Variants in DENND6A observed in about 807,000 individuals in gnomAD.
DENND6A encodes the protein protein DENND6A.
A neutral mutation model predicts 95.5 loss-of-function variants in DENND6A; 43 were observed. That is an observed-to-expected ratio of 0.45 (90% CI 0.35 to 0.58). The LOEUF (loss-of-function observed/expected upper bound fraction) is 0.58, where lower values mean the gene tolerates loss of function less well. Ranked by LOEUF, DENND6A falls within the 20% of genes least tolerant of loss-of-function variation. The probability of loss-of-function intolerance (pLI) is 0.00; values close to 1 mark genes in which losing one functional copy is unlikely to be tolerated. For synonymous variants in DENND6A, 257 were observed against 260.4 expected (o/e 0.99, Z 0.13); for missense variants, 574 against 736.0 (o/e 0.78, Z 2.55).
At chr3:57,641,625 G>A (rs2153413290) in intron 12 of DENND6A, 28 bp downstream of exon 12, 1 of 1,585,438 alleles carries the variant, frequency 6.3e-7, no homozygotes. Flanking sequence ...CTGCACACTA[G>A]AAACAGAACA....
At chr3:57,679,163 C>A (rs2077136433) in intron 1 of DENND6A, among the ~76,000 whole-genome samples, 1 of 152,164 alleles carries the variant, frequency 6.6e-6, no homozygotes, top group African/African-American at 2.4e-5. Context: ...GTTATAGTAG[C>A]CATAGCAGAC....
At chr3:57,676,854 C>T (rs911604510) in intron 1 of DENND6A, among the ~76,000 whole-genome samples, 2 of 151,890 alleles carry the variant, frequency 1.3e-5, no homozygotes, top group African/African-American at 4.8e-5. Context: ...GACAGAGTCT[C>T]GCTCTGTCAC....
Position 57,646,287 on chromosome 3 carries a change from A to C in DENND6A, c.941+29T>G, listed in dbSNP as rs757691569. 68 of 1,585,260 alleles carry C rather than the reference A, an allele frequency of 4.3e-5. No homozygotes were observed. In the East Asian group the frequency reaches 1.2e-3, roughly 28 times the overall value. ...AAGTACTGCAGCATCCAAAAAAAAAACCCAGAAATAGTAACCAAATAGACT... is the reference window on the plus strand; with the variant it reads ...AAGTACTGCAGCATCCAAAAAAAAACCCCAGAAATAGTAACCAAATAGACT... On this transcript the variant is annotated intron_variant, in intron 10 of 19. Transcript: ENST00000311128.
chr3:57,676,937 C>T (rs1223163205), intron 1 of DENND6A, among the ~76,000 whole-genome samples: 1 of 152,144 alleles, frequency 6.6e-6, no homozygotes, highest in Non-Finnish European at 1.5e-5. Context: ...GATTCTTGTG[C>T]CTCAGCCACC....
At chr3:57,633,839 C>T (rs773507517) in intron 14 of DENND6A, among the ~76,000 whole-genome samples, 8 of 151,000 alleles carry the variant, frequency 5.3e-5, no homozygotes, top group Non-Finnish European at 1.2e-4. Flanking sequence ...TGCAGTGAGC[C>T]GAGATTGTGC....
intron 15 of DENND6A, among the ~76,000 whole-genome samples, chr3:57,631,541 T>C (rs1575811197): frequency 6.6e-6 from 1 of 152,024 alleles, no homozygotes; most frequent in Non-Finnish European, 1.5e-5. Flanking sequence ...TGAGCAACTA[T>C]AGGCCAGATA....
Position 57,666,115 on chromosome 3 carries a change from T to C in DENND6A, c.432+8A>G. 6.2e-7 allele frequency: 1 copy of C among 1,610,972 alleles called. No individual in the cohort carries two copies. Among genetic ancestry groups the C allele is most frequent in the Non-Finnish European group, 8.5e-7 (1 of 1,178,110 alleles). On this transcript the variant is annotated splice_region_variant and intron_variant, in intron 4 of 19. Transcript: ENST00000311128. ...ACATGGACATTTTCCTATGACTACT[T>C]TTCCAACCTTTAAGTAAACTGGTAA...
intron 9 of DENND6A, among the ~76,000 whole-genome samples, chr3:57,654,191 G>A (rs1349166093): frequency 2.0e-5 from 3 of 151,186 alleles, no homozygotes; most frequent in Non-Finnish European, 2.9e-5. Flanking sequence ...TCCTGACCTC[G>A]TGATCCACCT....
At chr3:57,676,539 T>G (rs2071712958) in intron 1 of DENND6A, among the ~76,000 whole-genome samples, 1 of 152,078 alleles carries the variant, frequency 6.6e-6, no homozygotes, top group South Asian at 2.1e-4. Context: ...ATTTTAATAG[T>G]TATATGTACT....
At chr3:57,672,953 A>C (rs935465915) in intron 1 of DENND6A, among the ~76,000 whole-genome samples, 1 of 152,052 alleles carries the variant, frequency 6.6e-6, no homozygotes, top group Non-Finnish European at 1.5e-5. Flanking sequence ...AATCCAGGCC[A>C]GGCATATTGG....
chr3:57,631,757 C>G (rs975872885), intron 15 of DENND6A, among the ~76,000 whole-genome samples: 2 of 117,526 alleles, frequency 1.7e-5, no homozygotes, highest in Non-Finnish European at 3.3e-5. Context: ...GAGTCTCACT[C>G]TTTCGCCCAA....
At chr3:57,643,341 G>A (rs1053369062) in intron 11 of DENND6A, among the ~76,000 whole-genome samples, 1 of 152,108 alleles carries the variant, frequency 6.6e-6, no homozygotes, top group Non-Finnish European at 1.5e-5. Context: ...AATTCAGTTT[G>A]CACATGTTTA....
intron 1 of DENND6A, among the ~76,000 whole-genome samples, chr3:57,673,254 A>T (rs565444623): frequency 6.6e-6 from 1 of 151,646 alleles, no homozygotes; most frequent in Non-Finnish European, 1.5e-5. Context: ...AAAAAAAAAA[A>T]ATAATGAAAT....
chr3:57,660,645 C>T, intron 7 of DENND6A, 115 bp downstream of exon 7: 8 of 833,650 alleles, frequency 9.6e-6, no homozygotes, highest in Non-Finnish European at 1.2e-5. Context: ...AAAGTTGAGG[C>T]TGCAGTGAGC....
chr3:57,644,007 G>A (rs111916912), intron 11 of DENND6A, among the ~76,000 whole-genome samples: 4 of 151,764 alleles, frequency 2.6e-5, no homozygotes, highest in African/African-American at 9.7e-5. Context: ...AAAATTAGCT[G>A]GGTGTGATAG....
rs367745841 is a variant in DENND6A at position 57,657,721 on chromosome 3, T to C, written c.777A>G (p.Ile259Met). The change falls in exon 9 of 20, where the codon ATA becomes ATG. Residue 259 changes from isoleucine (I) to methionine (M), a missense_variant. Physicochemically the swap from Ile to Met is conservative, Grantham distance 10 (BLOSUM62 1). Transcript: ENST00000311128. Reference sequence around the variant, plus strand: ...CATGAACAGTAGGTAAAATAACAGATATATTTGTGTCCACCTGAGAGATAG... The same window carrying C: ...CATGAACAGTAGGTAAAATAACAGACATATTTGTGTCCACCTGAGAGATAG... ...VQLTQQVDTN[I>M]SVILPTVHEV... 386 of 1,582,988 alleles carry C rather than the reference T, an allele frequency of 2.4e-4. 1 individual carries two copies. The South Asian group carries it at 4.2e-3, about 17-fold the overall frequency.
chr3:57,680,409 T>C (rs931428921), intron 1 of DENND6A, among the ~76,000 whole-genome samples: 2 of 151,508 alleles, frequency 1.3e-5, no homozygotes, highest in Non-Finnish European at 1.5e-5. Flanking sequence ...AGAGCCCTCA[T>C]GATTGAGATT....
intron 1 of DENND6A, among the ~76,000 whole-genome samples, chr3:57,687,549 T>C (rs769901467): frequency 6.6e-6 from 1 of 152,210 alleles, no homozygotes; most frequent in Non-Finnish European, 1.5e-5. Context: ...GGATTTTCAT[T>C]GTAGATGAAA....
chr3:57,680,299 T>C (rs1230061050), intron 1 of DENND6A, among the ~76,000 whole-genome samples: 2 of 152,148 alleles, frequency 1.3e-5, no homozygotes, highest in African/African-American at 4.8e-5. Context: ...AAATTGGATA[T>C]CATCAAAATT....
Sources: gnomAD v4.1 joint callset for allele counts (sites outside exome capture counted in the v4.1 genomes callset) on GRCh38, gnomAD v4.1.1 for gene constraint, MANE v1.5 for transcripts, NCBI Gene and HGNC (gene_info 2026-07-23, HGNC 2026-07-21) for gene names.